Variants in FRMD5 observed in about 807,000 individuals in gnomAD.
FRMD5 encodes FERM domain containing 5.
In FRMD5, 20 loss-of-function variants were observed where a neutral mutation model predicts 69.0. That is an observed-to-expected ratio of 0.29 (90% CI 0.20 to 0.42). FRMD5 has a LOEUF of 0.42. FRMD5 is among the 10% of genes least tolerant of loss of function. The pLI is 1.00. For synonymous variants in FRMD5, 271 were observed against 260.1 expected (o/e 1.04, Z -0.40); for missense variants, 595 against 708.6 (o/e 0.84, Z 1.82).
intron 1 of FRMD5, among the ~76,000 whole-genome samples, chr15:44,124,488 A>T (rs986131983): frequency 1.3e-5 from 2 of 151,846 alleles, no homozygotes; most frequent in African/African-American, 2.4e-5. Context: ...TCACGAGGAC[A>T]GGAGATCAAA....
At chr15:43,900,030 G>A (rs2089006898) in intron 7 of FRMD5, among the ~76,000 whole-genome samples, 1 of 152,156 alleles carries the variant, frequency 6.6e-6, no homozygotes, top group Admixed American at 6.5e-5. Context: ...GGCCTCAAGG[G>A]GACTGGGCAG....
intron 1 of FRMD5, among the ~76,000 whole-genome samples, chr15:43,998,989 G>A (rs77155262): frequency 0.012 from 1,800 of 152,282 alleles, 36 homozygotes; most frequent in African/African-American, 0.039. Context: ...ATCATCAAAT[G>A]CTAGGGATAG....
At chr15:43,989,887 T>C (rs1162790534) in intron 1 of FRMD5, 34 of 1,098,142 alleles carry the variant, frequency 3.1e-5, no homozygotes, top group Middle Eastern at 4.6e-4. Flanking sequence ...GGGGTGCTCC[T>C]TGGCAGCCAC....
At chr15:44,192,776 A>G (rs1168169884) in intron 1 of FRMD5, among the ~76,000 whole-genome samples, 1 of 152,220 alleles carries the variant, frequency 6.6e-6, no homozygotes, top group African/African-American at 2.4e-5. Context: ...AAGAATGACA[A>G]CATTACATAT....
intron 1 of FRMD5, among the ~76,000 whole-genome samples, chr15:43,953,294 G>A (rs556843604): frequency 6.6e-6 from 1 of 152,204 alleles, no homozygotes; most frequent in Admixed American, 6.5e-5. Flanking sequence ...AGGAAGGACA[G>A]GACCATTGCA....
intron 1 of FRMD5, among the ~76,000 whole-genome samples, chr15:44,082,833 T>C (rs1022949952): frequency 6.6e-6 from 1 of 152,022 alleles, no homozygotes; most frequent in African/African-American, 2.4e-5. Flanking sequence ...CAAGGATAGC[T>C]TCTCCTTGGA....
intron 4 of FRMD5, chr15:43,917,602 C>T (rs1275948291): frequency 2.0e-5 from 3 of 152,176 alleles, no homozygotes; most frequent in African/African-American, 7.2e-5. Context: ...CGAGACTGGT[C>T]TCGAACTCCT....
At chr15:43,902,412 G>A (rs1179441646) in intron 6 of FRMD5, 150 bp from the exon 7 acceptor site, 5 of 655,368 alleles carry the variant, frequency 7.6e-6, no homozygotes, top group Non-Finnish European at 1.1e-5. Flanking sequence ...CCAACTTCGA[G>A]ACTCCTGCTA....
intron 7 of FRMD5, among the ~76,000 whole-genome samples, chr15:43,900,664 C>G (rs937113333): frequency 1.3e-5 from 2 of 150,290 alleles, no homozygotes; most frequent in Non-Finnish European, 2.9e-5. Flanking sequence ...GTCACCCAGG[C>G]TGGAGTGCAA....
intron 1 of FRMD5, among the ~76,000 whole-genome samples, chr15:43,973,111 C>T (rs1012210809): frequency 3.3e-5 from 5 of 152,084 alleles, no homozygotes; most frequent in African/African-American, 1.2e-4. Flanking sequence ...CAAGCACTGC[C>T]TCCCGGGTTC....
intron 8 of FRMD5, among the ~76,000 whole-genome samples, chr15:43,889,616 C>G (rs148405478): frequency 1.3e-3 from 201 of 152,276 alleles, no homozygotes; most frequent in African/African-American, 4.5e-3. Context: ...CATGGCACGG[C>G]CTAGACCTCA....
chr15:44,184,332 T>C (rs139904763), intron 1 of FRMD5, among the ~76,000 whole-genome samples: 10 of 152,306 alleles, frequency 6.6e-5, no homozygotes, highest in African/African-American at 2.4e-4. Flanking sequence ...TCTTAACATA[T>C]AATACCAATC....
At chr15:44,116,943 A>G (rs1309852882) in intron 1 of FRMD5, among the ~76,000 whole-genome samples, 6 of 137,118 alleles carry the variant, frequency 4.4e-5, no homozygotes, top group African/African-American at 1.1e-4. Flanking sequence ...TTAACCGAGC[A>G]TGGTGGCGTG....
At chr15:43,995,974 G>T (rs1242302100) in intron 1 of FRMD5, among the ~76,000 whole-genome samples, 1 of 151,806 alleles carries the variant, frequency 6.6e-6, no homozygotes, top group Non-Finnish European at 1.5e-5. Flanking sequence ...GTGTAGGGCT[G>T]CAGAGGCTCC....
At chr15:43,972,811 G>T (rs570937695) in intron 1 of FRMD5, among the ~76,000 whole-genome samples, 1 of 152,180 alleles carries the variant, frequency 6.6e-6, no homozygotes, top group African/African-American at 2.4e-5. Flanking sequence ...GTAACTTCTA[G>T]TGTGCAACTT....
intron 1 of FRMD5, among the ~76,000 whole-genome samples, chr15:43,951,988 GTGTGTGTGTGTC>G (rs1165006453): frequency 0.017 from 1,990 of 114,278 alleles, 53 homozygotes; most frequent in African/African-American, 0.089. Context: ...TGTTGTGTGT[GTGTGTGTGTGTC>G]TGTGTGTGTG....
At chr15:43,963,376 A>G (rs1335826604) in intron 1 of FRMD5, among the ~76,000 whole-genome samples, 1 of 152,254 alleles carries the variant, frequency 6.6e-6, no homozygotes, top group Non-Finnish European at 1.5e-5. Context: ...CATGCCAGTT[A>G]GAATGGCTAT....
chr15:43,884,882 G>A, intron 11 of FRMD5, 87 bp from the exon 12 acceptor site: 8 of 1,194,868 alleles, frequency 6.7e-6, no homozygotes, highest in Non-Finnish European at 9.9e-6. Context: ...TGCTTTCCCT[G>A]AATCAGGAAA....
chr15:43,891,968 T>G lies in FRMD5; in HGVS notation c.728+13A>C. 6.2e-7 allele frequency: 1 copy of G among 1,611,136 alleles called. No homozygotes were observed. Among genetic ancestry groups the G allele is most frequent in the Non-Finnish European group, 8.5e-7 (1 of 1,177,306 alleles). ...AGATATAAAGAGCCTATTTTGGAAA[T>G]GAAGATGCTCACCATTTAATGAAGT... On this transcript the variant is annotated intron_variant, in intron 8 of 13. Coordinates refer to ENST00000417257, the MANE Select transcript of FRMD5 (RefSeq NM_032892.5).
Sources: gnomAD v4.1 joint callset for allele counts (sites outside exome capture counted in the v4.1 genomes callset) on GRCh38, gnomAD v4.1.1 for gene constraint, MANE v1.5 for transcripts, NCBI Gene and HGNC (gene_info 2026-07-23, HGNC 2026-07-21) for gene names.